Variants in MACROD2 observed in about 807,000 individuals in gnomAD.
The protein encoded by MACROD2 is ADP-ribose glycohydrolase MACROD2.
In MACROD2, 36 loss-of-function variants were observed where a neutral mutation model predicts 70.4. The observed-to-expected ratio is 0.51, with a 90% CI of 0.39 to 0.68. The LOEUF is 0.68. MACROD2 is among the 30% of genes least tolerant of loss of function. The pLI is 0.00. For synonymous variants in MACROD2, 172 were observed against 178.8 expected, an observed-to-expected ratio of 0.96 and a Z score of 0.30; for missense variants, 496 against 538.4, an observed-to-expected ratio of 0.92 and a Z score of 0.78.
intron 4 of MACROD2, among the ~76,000 whole-genome samples, chr20:14,498,954 T>C (rs971693102): frequency 6.6e-6 from 1 of 152,200 alleles, no homozygotes; most frequent in African/African-American, 2.4e-5. Flanking sequence ...GAATCTAGGA[T>C]AGCAGTCAGC....
chr20:14,340,697 T>C (rs1308185880), intron 3 of MACROD2, among the ~76,000 whole-genome samples: 3 of 152,228 alleles, frequency 2.0e-5, no homozygotes, highest in African/African-American at 7.2e-5. Flanking sequence ...TTTTGCATTT[T>C]GTTCTGTTTT....
chr20:15,022,799 C>T (rs755280056), intron 5 of MACROD2: 3 of 152,192 alleles, frequency 2.0e-5, no homozygotes, highest in Non-Finnish European at 4.4e-5. Flanking sequence ...TCCACCTAGC[C>T]ATCTCTTCCT....
At chr20:15,470,495 C>A (rs1290115911) in intron 7 of MACROD2, among the ~76,000 whole-genome samples, 1 of 152,180 alleles carries the variant, frequency 6.6e-6, no homozygotes, top group African/African-American at 2.4e-5. Context: ...GGAAACTACT[C>A]CTTTGTATGT....
intron 9 of MACROD2, among the ~76,000 whole-genome samples, chr20:15,865,928 C>A (rs1473459716): frequency 2.6e-5 from 4 of 152,172 alleles, no homozygotes; most frequent in Admixed American, 6.5e-5. Flanking sequence ...GAAGCAGGAA[C>A]TTACTTCGAT....
At chr20:15,697,161 T>C (rs1466218513) in intron 8 of MACROD2, among the ~76,000 whole-genome samples, 1 of 152,218 alleles carries the variant, frequency 6.6e-6, no homozygotes, top group Non-Finnish European at 1.5e-5. Context: ...CTGTTTGTGC[T>C]CTTTCAAACT....
chr20:15,233,753 A>AT, intron 6 of MACROD2, among the ~76,000 whole-genome samples: 1 of 151,440 alleles, frequency 6.6e-6, no homozygotes, highest in East Asian at 1.9e-4. Flanking sequence ...TTAGTGCTTA[A>AT]TATCAGGAAA....
intron 8 of MACROD2, among the ~76,000 whole-genome samples, chr20:15,656,182 T>C (rs1392559644): frequency 6.6e-6 from 1 of 152,202 alleles, no homozygotes. Flanking sequence ...TGAAACATAC[T>C]ATTGGGATCC....
At chr20:15,627,930 A>G (rs957910234) in intron 8 of MACROD2, among the ~76,000 whole-genome samples, 3 of 152,202 alleles carry the variant, frequency 2.0e-5, no homozygotes, top group African/African-American at 7.2e-5. Context: ...TCAGACTTGC[A>G]CTGCCGTAAT....
chr20:15,794,293 A>G (rs1454618153), intron 8 of MACROD2, among the ~76,000 whole-genome samples: 1 of 152,164 alleles, frequency 6.6e-6, no homozygotes, highest in Non-Finnish European at 1.5e-5. Flanking sequence ...TTCTTTTGTT[A>G]AGATTTATAT....
intron 6 of MACROD2, among the ~76,000 whole-genome samples, chr20:15,317,075 T>C (rs933801864): frequency 1.3e-5 from 2 of 152,056 alleles, no homozygotes; most frequent in Non-Finnish European, 1.5e-5. Context: ...AGAGGGTGAC[T>C]TATAGCTGTA....
intron 4 of MACROD2, chr20:14,547,344 AC>A (rs2085502504): frequency 8.5e-6 from 2 of 234,642 alleles, no homozygotes; most frequent in Non-Finnish European, 1.9e-5. Flanking sequence ...AGTCCATCAT[AC>A]AGATCACATA....
rs989532792 is a variant in MACROD2, at chr20:14,453,492, T to C, written c.272-39987T>C. Reference sequence around the variant, plus strand: ...CTTAGGAATTCTGTTGTAATCTGTCTTTGCATTCCTAACCTCGTGAAACTG... The same window carrying C: ...CTTAGGAATTCTGTTGTAATCTGTCCTTGCATTCCTAACCTCGTGAAACTG... On this transcript the variant is annotated intron_variant, in intron 3 of 17. Coordinates refer to ENST00000684519, the MANE Select transcript of MACROD2 (RefSeq NM_001351661.2). 2.6e-5 allele frequency among the ~76,000 whole-genome samples: 4 copies of C among 152,146 alleles called. No individual in the cohort carries two copies. In the East Asian group the frequency reaches 7.7e-4, roughly 29 times the overall value.
At chr20:14,183,925 G>T (rs1323387513) in intron 3 of MACROD2, among the ~76,000 whole-genome samples, 1 of 151,958 alleles carries the variant, frequency 6.6e-6, no homozygotes, top group Non-Finnish European at 1.5e-5. Context: ...CCTTAGAGAT[G>T]CTGGATATTA....
intron 4 of MACROD2, among the ~76,000 whole-genome samples, chr20:14,592,856 A>G (rs1981868122): frequency 6.6e-6 from 1 of 152,200 alleles, no homozygotes; most frequent in Non-Finnish European, 1.5e-5. Flanking sequence ...AGAAAATGTA[A>G]TGCTGTCAGG....
intron 3 of MACROD2, among the ~76,000 whole-genome samples, chr20:14,243,578 A>T (rs2081946258): frequency 6.6e-6 from 1 of 152,154 alleles, no homozygotes; most frequent in Admixed American, 6.5e-5. Context: ...CAGCTCCGTT[A>T]TTCACTTTGG....
At chr20:15,720,426 A>G (rs949050483) in intron 8 of MACROD2, among the ~76,000 whole-genome samples, 1 of 152,156 alleles carries the variant, frequency 6.6e-6, no homozygotes, top group Non-Finnish European at 1.5e-5. Flanking sequence ...AAAATTTTAC[A>G]TATCACCTAG....
At chr20:15,449,670 G>T (rs1293023953) in intron 7 of MACROD2, among the ~76,000 whole-genome samples, 3 of 152,018 alleles carry the variant, frequency 2.0e-5, no homozygotes, top group East Asian at 3.9e-4. Context: ...ATTAACCCAG[G>T]TTTCTTCTAG....
chr20:14,087,948 A>G (rs1468613399), intron 3 of MACROD2, among the ~76,000 whole-genome samples: 1 of 152,114 alleles, frequency 6.6e-6, no homozygotes, highest in Non-Finnish European at 1.5e-5. Context: ...ATATACACAC[A>G]TATAAATAAA....
chr20:15,362,858 T>TA (rs907698222), intron 6 of MACROD2, among the ~76,000 whole-genome samples: 84 of 151,370 alleles, frequency 5.5e-4, no homozygotes, highest in African/African-American at 1.9e-3. Context: ...GAAAAAAATT[T>TA]AAAAATATAT....
Sources: allele counts gnomAD v4.1 joint callset (sites outside exome capture counted in the v4.1 genomes callset), GRCh38; gene constraint gnomAD v4.1.1; transcripts MANE v1.5; gene names NCBI Gene and HGNC (gene_info 2026-07-23, HGNC 2026-07-21).